The following ATM variants were observed in gnomAD, a reference collection of about 807,000 sequenced individuals.
The protein encoded by ATM is ATM serine/threonine kinase, also known as serine-protein kinase ATM.
A neutral mutation model predicts 387.0 loss-of-function variants in ATM; 308 were observed. That is an observed-to-expected ratio of 0.80 (90% confidence interval 0.73 to 0.87). The LOEUF (loss-of-function observed/expected upper bound fraction) is 0.87, where lower values mean the gene tolerates loss of function less well. Among genes scored for constraint, ATM ranks in the 40% least tolerant of loss-of-function variants. The pLI, the probability that ATM is intolerant of heterozygous loss-of-function variation, is 0.00. For missense variants in ATM, 3,312 were observed against 3,560.9 expected, an observed-to-expected ratio of 0.93 and a Z score of 1.78; for synonymous variants, 1,156 against 1,187.3, an observed-to-expected ratio of 0.97 and a Z score of 0.54.
In ATM at chr11:108,319,345, T is replaced by C. The variant is rs181159133; in HGVS notation, c.6348-609T>C. 2.6e-5 allele frequency among the ~76,000 whole-genome samples: 4 copies of C among 152,348 alleles called. No individual in the cohort carries two copies. The East Asian group carries it at 7.7e-4, about 29-fold the overall frequency. ...CTTCTCCTTCCTCTTGTATTTCAGCTACACAGACCTCTCTGTGTTTTCTTG... is the reference window on the plus strand; with the variant it reads ...CTTCTCCTTCCTCTTGTATTTCAGCCACACAGACCTCTCTGTGTTTTCTTG... On this transcript the variant is annotated intron_variant, in intron 43 of 62. Coordinates refer to ENST00000675843, the MANE Select transcript of ATM (RefSeq NM_000051.4).
In ATM at chr11:108,293,238, A is replaced by G. The variant is rs968725067; in HGVS notation, c.4612-75A>G. The G allele has an allele frequency of 1.7e-5, 16 of 934,260 alleles. No individual in the cohort carries two copies. The African/African-American group carries it at 2.7e-4, about 16-fold the overall frequency. 57.9% of individuals were successfully genotyped at this position (934,260 alleles called of 1,614,324 possible). A position where few individuals can be genotyped will look rare whatever the true frequency, so the allele number is the denominator to read the frequency against. On this transcript the variant is annotated intron_variant, in intron 30 of 62. Transcript: ENST00000675843. ...TCTAGGTTAATAGATTTTATCATTTATTACAGTAAGTTTTGTTGGCTTACT... is the reference window on the plus strand; with the variant it reads ...TCTAGGTTAATAGATTTTATCATTTGTTACAGTAAGTTTTGTTGGCTTACT...
At position 108,256,214 on chromosome 11, in the gene ATM, G is replaced by A. The variant is rs1402299151; in HGVS notation, c.2125-1G>A. 6.2e-7 allele frequency: 1 copy of A among 1,602,174 alleles called. No homozygotes were observed. Among genetic ancestry groups the A allele is most frequent in the South Asian group, 1.1e-5 (1 of 89,530 alleles). ...TATTTTTATTTGTGGTTTACTTTAAGATTACAAATTCAGAAACTCTTGTCC... is the reference window on the plus strand; with the variant it reads ...TATTTTTATTTGTGGTTTACTTTAAAATTACAAATTCAGAAACTCTTGTCC... On this transcript the variant is annotated splice_acceptor_variant, in intron 13 of 62. Coordinates refer to ENST00000675843, the MANE Select transcript of ATM (RefSeq NM_000051.4). LOFTEE classifies it high-confidence loss of function.
At chr11:108,338,464 G>A (rs2087102941) in intron 56 of ATM, among the ~76,000 whole-genome samples, 1 of 152,152 alleles carries the variant, frequency 6.6e-6, no homozygotes, top group Non-Finnish European at 1.5e-5. Context: ...AAACCAACCT[G>A]GGCAACACAG....
In ATM at chr11:108,292,664, T is replaced by C. The variant is rs769071554; in HGVS notation, c.4482T>C (p.Cys1494=). The C allele has an allele frequency of 3.7e-6, 6 of 1,614,022 alleles. No homozygotes were observed. The East Asian group carries it at 8.9e-5, about 24-fold the overall frequency. The change falls in exon 30 of 63, where the codon TGT becomes TGC. Residue 1494 remains cysteine (C), a synonymous_variant. Coordinates refer to ENST00000675843, the MANE Select transcript of ATM (RefSeq NM_000051.4). Reference sequence around the variant, plus strand: ...TGTCATTACGTAGCTTCTCCCTTTGTTGTGACTTATTAAGTCAGGTTTGCC... The same window carrying C: ...TGTCATTACGTAGCTTCTCCCTTTGCTGTGACTTATTAAGTCAGGTTTGCC... The part of the protein sequence containing the change: ...MDVSLRSFSL[C]CDLLSQVCQT...
At chr11:108,245,736 C>G (rs1398549515) in intron 7 of ATM, among the ~76,000 whole-genome samples, 2 of 151,808 alleles carry the variant, frequency 1.3e-5, no homozygotes, top group Non-Finnish European at 2.9e-5. Context: ...TGGACCAACT[C>G]ATCATGGCTA....
At chr11:108,321,082 G>C (rs1246343237) in intron 44 of ATM, among the ~76,000 whole-genome samples, 2 of 152,182 alleles carry the variant, frequency 1.3e-5, no homozygotes. Context: ...CAAGGTGGGA[G>C]AAACTCTGAG....
chr11:108,334,951 T>C lies in ATM; in HGVS notation c.8011-18T>C, dbSNP rs768522292. 6 of 1,607,034 alleles carry C rather than the reference T, an allele frequency of 3.7e-6. No homozygotes were observed. The highest frequency in any genetic ancestry group is 1.3e-5 in the African/African-American group (1 of 74,848). On this transcript the variant is annotated intron_variant, in intron 54 of 62. Transcript: ENST00000675843. Reference sequence around the variant, plus strand: ...AGTGTATCTGACCTATTATCAATCATGTTTATACTTTTATTAGGTGGACCA... The same window carrying C: ...AGTGTATCTGACCTATTATCAATCACGTTTATACTTTTATTAGGTGGACCA...
In ATM at chr11:108,267,206, A is replaced by C; in HGVS notation, c.2502A>C (p.Glu834Asp). The stretch of plus-strand genomic sequence containing the variant: ...TCAAAAAGCCATTTGACCGTGGAGA[A>C]GTAGAATCAATGGAAGATGATACTA... ...SFIKKPFDRG[E>D]VESMEDDTNG... The change falls in exon 17 of 63, where the codon GAA becomes GAC. Residue 834 changes from glutamate to aspartate, a missense_variant. Around this residue, in one of 4 missense-constraint regions of ATM, gnomAD observed 1,791 missense variants for 1,804.5 expected, o/e 0.99. Transcript: ENST00000675843. 6.2e-7 allele frequency: 1 copy of C among 1,614,194 alleles called. No individual in the cohort carries two copies. The highest frequency in any genetic ancestry group is 8.5e-7 in the Non-Finnish European group (1 of 1,180,022).
intron 50 of ATM, 38 bp from the exon 51 acceptor site, chr11:108,331,406 C>A (rs1038448273): frequency 3.1e-6 from 5 of 1,597,934 alleles, no homozygotes; most frequent in Non-Finnish European, 3.4e-6. Context: ...ATTTGAAATA[C>A]CTTGTTTCTT....
At chr11:108,289,458 A>G in intron 28 of ATM, 144 bp from the exon 29 acceptor site, 1 of 715,718 alleles carries the variant, frequency 1.4e-6, no homozygotes, top group East Asian at 2.8e-5. Flanking sequence ...CTTGATATCA[A>G]ACCCAAATCT....
intron 61 of ATM, among the ~76,000 whole-genome samples, chr11:108,360,555 C>T (rs962945826): frequency 1.4e-5 from 2 of 140,926 alleles, no homozygotes; most frequent in African/African-American, 2.7e-5. Flanking sequence ...CAATAAAATA[C>T]TGGCAAAACG....
intron 5 of ATM, among the ~76,000 whole-genome samples, chr11:108,242,726 A>G (rs2135206891): frequency 6.6e-6 from 1 of 152,242 alleles, no homozygotes; most frequent in South Asian, 2.1e-4. Context: ...TTTCTCTGTT[A>G]TAACTCAGTC....
chr11:108,345,534 T>TTCC (rs2088226112), intron 57 of ATM, among the ~76,000 whole-genome samples: 1 of 152,210 alleles, frequency 6.6e-6, no homozygotes, highest in African/African-American at 2.4e-5. Flanking sequence ...GTAGGTGTGC[T>TTCC]TCCTCCCCCA....
intron 22 of ATM, among the ~76,000 whole-genome samples, chr11:108,275,408 T>G (rs1009877255): frequency 6.6e-6 from 1 of 152,214 alleles, no homozygotes; most frequent in Admixed American, 6.5e-5. Context: ...GTCATTATGA[T>G]GCTAACTGGT....
chr11:108,303,112 C>T, intron 36 of ATM, 83 bp downstream of exon 36: 5 of 1,271,964 alleles, frequency 3.9e-6, no homozygotes, highest in South Asian at 1.3e-5. Context: ...ACATCATCTT[C>T]ACATAATATC....
At position 108,253,875 on chromosome 11, in the gene ATM, C is replaced by A. The variant is rs528165789; in HGVS notation, c.1960C>A (p.Gln654Lys). Reference protein sequence around the residue: ...SFSEVEELFLQTTFDKMDFLT... With the variant: ...SFSEVEELFLKTTFDKMDFLT... Reference sequence around the variant, plus strand: ...CTCAGAAGTAGAAGAACTATTTCTTCAGACAACTTTTGACAAGATGGACTT... The same window carrying A: ...CTCAGAAGTAGAAGAACTATTTCTTAAGACAACTTTTGACAAGATGGACTT... The change falls in exon 13 of 63, where the codon CAG becomes AAG. Residue 654 changes from glutamine (Q) to lysine (K), a missense_variant. By Grantham distance (53) the Gln-to-Lys change is moderately conservative (BLOSUM62 1). Transcript: ENST00000675843. 34 of 1,613,870 alleles carry A rather than the reference C, an allele frequency of 2.1e-5. No homozygotes were observed. Among genetic ancestry groups the A allele is most frequent in the South Asian group, 6.6e-5 (6 of 91,082 alleles).
At chr11:108,355,415 T>C (rs956653235) in intron 61 of ATM, 3 of 163,916 alleles carry the variant, frequency 1.8e-5, no homozygotes, top group Non-Finnish European at 2.7e-5. Flanking sequence ...AGCAAACACA[T>C]GTAATCAGGA....
At position 108,245,905 on chromosome 11, in the gene ATM, A is replaced by G. The variant is rs1199202631; in HGVS notation, c.901+879A>G. ...AGTGACGCAATGTTAGCTCACTGCA[A>G]CCTCCGCCTCCTGGGTTCAAGCAAT... is the stretch of plus-strand genomic sequence containing the variant. On this transcript the variant is annotated intron_variant, in intron 7 of 62. Transcript: ENST00000675843. 4.0e-5 allele frequency among the ~76,000 whole-genome samples: 6 copies of G among 150,452 alleles called. No individual in the cohort carries two copies. In the East Asian group the frequency reaches 1.2e-3, roughly 30 times the overall value.
At chr11:108,336,120 G>A in intron 56 of ATM, 159 bp downstream of exon 56, 2 of 571,118 alleles carry the variant, frequency 3.5e-6, no homozygotes, top group Non-Finnish European at 6.2e-6. Context: ...AACATAGTGA[G>A]ACCCCATCTT....
Sources: allele counts gnomAD v4.1 joint callset (sites outside exome capture counted in the v4.1 genomes callset), GRCh38; gene constraint gnomAD v4.1.1; regional missense constraint gnomAD v4.1.1; transcripts MANE v1.5; gene names NCBI Gene and HGNC (gene_info 2026-07-23, HGNC 2026-07-21).